The following CENPC variants were observed in gnomAD, a reference collection of about 807,000 sequenced individuals.
CENPC encodes CENP-C 1.
A neutral mutation model predicts 112.1 loss-of-function variants in CENPC; 63 were observed. The observed-to-expected ratio is 0.56, with a 90% confidence interval of 0.46 to 0.69. The LOEUF (loss-of-function observed/expected upper bound fraction) is 0.69, where lower values mean the gene tolerates loss of function less well. Ranked by LOEUF, CENPC falls within the 30% of genes least tolerant of loss-of-function variation. The pLI is 0.00. For missense variants in CENPC, 1,000 were observed against 1,103.8 expected (o/e 0.91, Z 1.33); for synonymous variants, 333 against 367.6 (o/e 0.91, Z 1.08).
chr4:67,496,572 T>C (rs1428265367), intron 12 of CENPC, among the ~76,000 whole-genome samples: 1 of 152,088 alleles, frequency 6.6e-6, no homozygotes, highest in Admixed American at 6.5e-5. Flanking sequence ...CAAACAAAAA[T>C]TGTTAAGAAT....
In CENPC at chr4:67,509,000, T is replaced by C. The variant is rs370323217; in HGVS notation, c.1718A>G (p.Lys573Arg). Residue 573 changes from lysine to arginine, a missense_variant, in exon 10 of 19, where the codon AAA becomes AGA. Coordinates refer to ENST00000273853, the MANE Select transcript of CENPC (RefSeq NM_001812.4). ...CTGCCTTTTAAGTGGAATAGTTTTT[T>C]TCCTAATATTCTTAGATGACTGATT... The part of the protein sequence containing the change: ...KTNQSSKNIR[K>R]KTIPLKRQKT... The C allele has an allele frequency of 9.3e-5, 150 of 1,613,298 alleles. No homozygotes were observed. The highest frequency in any genetic ancestry group is 1.2e-4 in the Non-Finnish European group (146 of 1,179,668).
chr4:67,505,850 G>A (rs1293856417), intron 11 of CENPC, among the ~76,000 whole-genome samples: 1 of 151,960 alleles, frequency 6.6e-6, no homozygotes, highest in South Asian at 2.1e-4. Context: ...TTACAGATCA[G>A]AGTAACAGAC....
At chr4:67,534,660 C>T (rs1305583250) in intron 4 of CENPC, among the ~76,000 whole-genome samples, 3 of 152,210 alleles carry the variant, frequency 2.0e-5, no homozygotes, top group Non-Finnish European at 4.4e-5. Flanking sequence ...ATTTCTTTGT[C>T]AGAAATACTT....
intron 12 of CENPC, among the ~76,000 whole-genome samples, chr4:67,503,116 G>A (rs1038774209): frequency 6.6e-5 from 10 of 152,020 alleles, no homozygotes; most frequent in South Asian, 2.1e-4. Flanking sequence ...GCTTCCCATC[G>A]CTCTTAGTAA....
At position 67,512,480 on chromosome 4, in the gene CENPC, C is replaced by CT; in HGVS notation, c.1533dup (p.Glu512ArgfsTer18). On this transcript the variant is annotated frameshift_variant, in exon 9 of 19. Coordinates refer to ENST00000273853, the MANE Select transcript of CENPC (RefSeq NM_001812.4). LOFTEE classifies it high-confidence loss of function. Reference sequence around the variant, plus strand: ...CTTTTCGTGACAGTTGAAGTCACTTCTTCAGGTACAAGTTTGTTCTTGGAC... The same window carrying CT: ...CTTTTCGTGACAGTTGAAGTCACTTCTTTCAGGTACAAGTTTGTTCTTGGAC... The CT allele has an allele frequency of 3.1e-6, 5 of 1,597,998 alleles. No homozygotes were observed. The highest frequency in any genetic ancestry group is 4.3e-6 in the Non-Finnish European group (5 of 1,171,934).
intron 12 of CENPC, among the ~76,000 whole-genome samples, chr4:67,496,562 C>G (rs920057719): frequency 1.3e-5 from 2 of 152,008 alleles, no homozygotes; most frequent in African/African-American, 4.8e-5. Context: ...TGAAAGCAAA[C>G]AAACAAAAAT....
intron 1 of CENPC, 108 bp downstream of exon 1, chr4:67,545,228 TCC>T (rs950855746): frequency 1.8e-6 from 2 of 1,091,260 alleles, no homozygotes; most frequent in African/African-American, 3.3e-5. Context: ...CCCACTGAAA[TCC>T]CTCAGAGATC....
rs963145455 is a variant in CENPC, at chr4:67,519,502, A to C, written c.332T>G (p.Val111Gly). The C allele has an allele frequency of 2.7e-6, 4 of 1,494,862 alleles. No homozygotes were observed. The highest frequency in any genetic ancestry group is 3.6e-6 in the Non-Finnish European group (4 of 1,117,002). The allele number at this position is 1,494,862 out of a possible 1,614,324, so 92.6% of individuals were successfully genotyped here. A position where few individuals can be genotyped will look rare whatever the true frequency, so the allele number is the denominator to read the frequency against. ...VEPSEATNRS[V>G]QAHEVHQKIL... Reference sequence around the variant, plus strand: ...TTTCTGATGAACTTCATGGGCCTGAACTAGAAGAAAATTATATAAAGATAT... The same window carrying C: ...TTTCTGATGAACTTCATGGGCCTGACCTAGAAGAAAATTATATAAAGATAT... Residue 111 changes from valine (V) to glycine (G), a missense_variant and splice_region_variant, in exon 6 of 19, where the codon GTT (valine) becomes GGT (glycine). Physicochemically the swap from Val to Gly is moderately radical, Grantham distance 109. Transcript: ENST00000273853.
chr4:67,475,918 A>G (rs1724792770), intron 17 of CENPC, among the ~76,000 whole-genome samples: 1 of 152,080 alleles, frequency 6.6e-6, no homozygotes, highest in South Asian at 2.1e-4. Flanking sequence ...AATTTGTGAT[A>G]CAGTCATGCA....
At chr4:67,493,841 C>G in intron 14 of CENPC, 43 bp downstream of exon 14, 1 of 1,380,270 alleles carries the variant, frequency 7.2e-7, no homozygotes, top group East Asian at 2.4e-5. Flanking sequence ...ACATAGTAAA[C>G]AAATTTTTTA....
chr4:67,533,637 C>T (rs1726624812), intron 4 of CENPC, among the ~76,000 whole-genome samples: 1 of 152,054 alleles, frequency 6.6e-6, no homozygotes, highest in Non-Finnish European at 1.5e-5. Flanking sequence ...AATTCAGCAA[C>T]CCAGAGAGAA....
Position 67,525,919 on chromosome 4 carries a change from C to T in CENPC, c.331+4896G>A, listed in dbSNP as rs1002108435. Among the ~76,000 whole-genome samples the T allele has an allele frequency of 2.0e-5, 3 of 152,178 alleles. No homozygotes were observed. In the East Asian group the frequency reaches 5.8e-4, roughly 29 times the overall value. On this transcript the variant is annotated intron_variant, in intron 5 of 18. Coordinates refer to ENST00000273853, the MANE Select transcript of CENPC (RefSeq NM_001812.4). ...TACAATAGCAAAGACTTGGAACCAA[C>T]CCAAATGCCCATCAATGATAGACTG...
intron 17 of CENPC, among the ~76,000 whole-genome samples, chr4:67,479,468 T>C (rs1207454504): frequency 6.6e-6 from 1 of 152,190 alleles, no homozygotes; most frequent in Non-Finnish European, 1.5e-5. Context: ...TCCTCCTGAA[T>C]GATTGTTGGG....
rs146500743 is a variant in CENPC, at chr4:67,478,666, A to ACACACACACACACC, written c.2671-3689_2671-3688insGGTGTGTGTGTGTG. Among the ~76,000 whole-genome samples the ACACACACACACACC allele has an allele frequency of 3.0e-3, 229 of 76,636 alleles. 17 individuals are homozygous for ACACACACACACACC. The highest frequency in any genetic ancestry group is 8.2e-3 in the African/African-American group (213 of 26,002). 50.3% of individuals were successfully genotyped at this position (76,636 alleles called of 152,430 possible). A position where few individuals can be genotyped will look rare whatever the true frequency, so the allele number is the denominator to read the frequency against. Reference sequence around the variant, plus strand: ...CACACACACACACACACACACACACACCCAAAGTATTCAGGCAACAACTAG... The same window carrying ACACACACACACACC: ...CACACACACACACACACACACACACACACACACACACACCCCCAAAGTATTCAGGCAACAACTAG... On this transcript the variant is annotated intron_variant, in intron 17 of 18. Coordinates refer to ENST00000273853, the MANE Select transcript of CENPC (RefSeq NM_001812.4).
In CENPC at chr4:67,527,702, C is replaced by T. The variant is rs553954575; in HGVS notation, c.331+3113G>A. The stretch of plus-strand genomic sequence containing the variant: ...TTTTTGTAGAGACAAGTTCTCACTA[C>T]GTTGCCTAGGCTGGTCTCAAACATC... On this transcript the variant is annotated intron_variant, in intron 5 of 18. Coordinates refer to ENST00000273853, the MANE Select transcript of CENPC (RefSeq NM_001812.4). Among the ~76,000 whole-genome samples, 523 of 151,840 alleles carry T rather than the reference C, an allele frequency of 3.4e-3. 6 individuals are homozygous for T. The highest frequency in any genetic ancestry group is 0.012 in the African/African-American group (487 of 41,436).
intron 5 of CENPC, among the ~76,000 whole-genome samples, chr4:67,529,429 G>A (rs1201832741): frequency 1.3e-5 from 2 of 151,980 alleles, no homozygotes; most frequent in South Asian, 2.1e-4. Flanking sequence ...AGGCTCAAGC[G>A]ATTCTCCTGA....
At chr4:67,491,522 G>GAC (rs1560423411) in intron 16 of CENPC, among the ~76,000 whole-genome samples, 3 of 143,544 alleles carry the variant, frequency 2.1e-5, no homozygotes, top group Non-Finnish European at 4.6e-5. Context: ...GAGAGAGAGA[G>GAC]AGAGAGCCTG....
In CENPC at chr4:67,472,447, TGA is replaced by T; in HGVS notation, c.*156_*157del. The T allele has an allele frequency of 2.3e-6, 2 of 862,178 alleles. No homozygotes were observed. The highest frequency in any genetic ancestry group is 2.8e-6 in the Non-Finnish European group (2 of 705,902). The allele number at this position is 862,178 out of a possible 1,614,324, so 53.4% of individuals were successfully genotyped here. On this transcript the variant is annotated 3_prime_UTR_variant, in exon 19 of 19. Coordinates refer to ENST00000273853, the MANE Select transcript of CENPC (RefSeq NM_001812.4). ...TCACTGAAAAATCAGAAAAAACATG[TGA>T]GTTAGAAATGTTTATCAAATACAAG...
intron 5 of CENPC, among the ~76,000 whole-genome samples, chr4:67,522,075 C>A (rs755778198): frequency 5.9e-5 from 9 of 151,902 alleles, no homozygotes; most frequent in Non-Finnish European, 1.2e-4. Context: ...ATAAAGTGGA[C>A]AATTTTATGT....
Sources: gnomAD v4.1 joint callset for allele counts (sites outside exome capture counted in the v4.1 genomes callset) on GRCh38, gnomAD v4.1.1 for gene constraint, MANE v1.5 for transcripts, NCBI Gene and HGNC (gene_info 2026-07-23, HGNC 2026-07-21) for gene names.